Variants in GLIS3 observed in about 807,000 individuals in gnomAD.
The protein encoded by GLIS3 is zinc finger protein GLIS3.
In GLIS3, 53 loss-of-function variants were observed where a neutral mutation model predicts 78.6. The observed-to-expected ratio is 0.67, with a 90% confidence interval of 0.54 to 0.85. The LOEUF (loss-of-function observed/expected upper bound fraction) is 0.85. Ranked by LOEUF, GLIS3 falls within the 40% of genes least tolerant of loss-of-function variation. The pLI, the probability that GLIS3 is intolerant of heterozygous loss-of-function variation, is 0.00. For synonymous variants in GLIS3, 684 were observed against 509.9 expected (o/e 1.34, Z -4.60); for missense variants, 1,703 against 1,231.1 (o/e 1.38, Z -5.74).
intron 2 of GLIS3, among the ~76,000 whole-genome samples, chr9:4,236,934 T>C (rs1314187401): frequency 6.6e-6 from 1 of 152,098 alleles, no homozygotes; most frequent in Non-Finnish European, 1.5e-5. Context: ...GAAACCAGGA[T>C]GGGCTCAGCA....
chr9:3,995,440 G>A (rs1285828625), intron 4 of GLIS3, among the ~76,000 whole-genome samples: 2 of 151,902 alleles, frequency 1.3e-5, no homozygotes, highest in Non-Finnish European at 2.9e-5. Context: ...AACTACTACC[G>A]TGAATAATAG....
At chr9:3,870,238 A>G (rs1390742921) in intron 8 of GLIS3, among the ~76,000 whole-genome samples, 1 of 152,210 alleles carries the variant, frequency 6.6e-6, no homozygotes, top group Non-Finnish European at 1.5e-5. Context: ...TCAAATTGTA[A>G]TCATATCAAG....
chr9:4,316,908 G>C (rs1196511082), intron 2 of GLIS3, among the ~76,000 whole-genome samples: 1 of 152,102 alleles, frequency 6.6e-6, no homozygotes, highest in South Asian at 2.1e-4. Context: ...ACCATCATAG[G>C]AACTTAACTC....
chr9:4,418,268 CA>C, the GLIS3 span, among the ~76,000 whole-genome samples: 104,199 of 151,950 alleles, frequency 0.69, 35,924 homozygotes, highest in East Asian at 0.75. Flanking sequence ...ATATGTATTG[CA>C]AAAAAAGAGA....
At chr9:4,178,180 G>C (rs186052872) in intron 2 of GLIS3, among the ~76,000 whole-genome samples, 87 of 152,252 alleles carry the variant, frequency 5.7e-4, no homozygotes, top group Non-Finnish European at 9.8e-4. Flanking sequence ...ATGCAGGCTG[G>C]GTAGGTGGAC....
chr9:4,468,286 G>T, the GLIS3 span, among the ~76,000 whole-genome samples: 7 of 152,224 alleles, frequency 4.6e-5, no homozygotes, highest in Middle Eastern at 6.8e-3. Flanking sequence ...TACAGAGAAT[G>T]CCACAAAGAT....
At chr9:4,378,204 CTATA>C in the GLIS3 span, among the ~76,000 whole-genome samples, 1 of 151,138 alleles carries the variant, frequency 6.6e-6, no homozygotes, top group Non-Finnish European at 1.5e-5. Context: ...GTGCCAGATA[CTATA>C]TATATATATA....
intron 4 of GLIS3, among the ~76,000 whole-genome samples, chr9:3,994,869 A>G (rs536352918): frequency 6.6e-6 from 1 of 152,162 alleles, no homozygotes; most frequent in East Asian, 1.9e-4. Context: ...TGGCTGCCCT[A>G]CAGATAAAGT....
chr9:3,988,256 C>T (rs931031342), intron 4 of GLIS3, among the ~76,000 whole-genome samples: 1 of 152,130 alleles, frequency 6.6e-6, no homozygotes, highest in Non-Finnish European at 1.5e-5. Flanking sequence ...CACTAGCAGA[C>T]CCACCTTTAA....
intron 2 of GLIS3, among the ~76,000 whole-genome samples, chr9:4,322,017 A>G (rs191910213): frequency 6.6e-6 from 1 of 152,146 alleles, no homozygotes; most frequent in Non-Finnish European, 1.5e-5. Context: ...TCCTAATGCT[A>G]TCCCTCCCCC....
the GLIS3 span, among the ~76,000 whole-genome samples, chr9:4,424,464 G>A: frequency 9.9e-5 from 15 of 152,178 alleles, no homozygotes; most frequent in Non-Finnish European, 1.9e-4. Context: ...TATGACCCGA[G>A]AAAATAATCT....
Position 4,217,746 on chromosome 9 carries a change from A to G in GLIS3, c.388+68292T>C, listed in dbSNP as rs564510040. On this transcript the variant is annotated intron_variant, in intron 2 of 10. Transcript: ENST00000381971. ...CTTAATAAGTAAGCCGTGAGCAAAA[A>G]TAACTCCTCATTTTCAGGTCACTTT... 4.6e-5 allele frequency among the ~76,000 whole-genome samples: 7 copies of G among 152,312 alleles called. No individual in the cohort carries two copies. The South Asian group carries it at 1.2e-3, about 27-fold the overall frequency.
chr9:4,205,594 C>T (rs562162150), intron 2 of GLIS3, among the ~76,000 whole-genome samples: 45 of 152,244 alleles, frequency 3.0e-4, no homozygotes, highest in African/African-American at 9.6e-4. Context: ...GTGAGTAGCA[C>T]GGAGGAGCTG....
At chr9:4,444,005 G>T in the GLIS3 span, among the ~76,000 whole-genome samples, 1 of 152,134 alleles carries the variant, frequency 6.6e-6, no homozygotes, top group Admixed American at 6.5e-5. Context: ...TTAAAGCTGT[G>T]TAATGTGTTG....
chr9:4,062,923 C>T (rs931414678), intron 4 of GLIS3, among the ~76,000 whole-genome samples: 11 of 149,406 alleles, frequency 7.4e-5, no homozygotes, highest in African/African-American at 2.0e-4. Context: ...AGCGAGACTC[C>T]ATTTCAAAAA....
chr9:3,880,999 TGTG>T (rs143823511), intron 7 of GLIS3, among the ~76,000 whole-genome samples: 1,623 of 152,320 alleles, frequency 0.011, 65 homozygotes, highest in Admixed American at 0.072. Flanking sequence ...GAGCTTCTGT[TGTG>T]TGCGTCAGCT....
intron 2 of GLIS3, among the ~76,000 whole-genome samples, chr9:4,318,674 T>C (rs78592444): frequency 0.061 from 9,216 of 152,228 alleles, 947 homozygotes; most frequent in African/African-American, 0.21. Flanking sequence ...AACCTCTTTT[T>C]TACAGTGAAA....
chr9:3,941,624 C>G (rs1359063036), intron 4 of GLIS3, among the ~76,000 whole-genome samples: 1 of 152,144 alleles, frequency 6.6e-6, no homozygotes, highest in Non-Finnish European at 1.5e-5. Context: ...CCATCATTTT[C>G]TGTTTGCACA....
chr9:4,090,360 G>A (rs1190815201), intron 4 of GLIS3, among the ~76,000 whole-genome samples: 2 of 151,984 alleles, frequency 1.3e-5, no homozygotes, highest in South Asian at 2.1e-4. Context: ...ATCTAAAACT[G>A]ATTCACGCTC....
Sources: gnomAD v4.1 joint callset for allele counts (sites outside exome capture counted in the v4.1 genomes callset) on GRCh38, gnomAD v4.1.1 for gene constraint, MANE v1.5 for transcripts, NCBI Gene and HGNC (gene_info 2026-07-23, HGNC 2026-07-21) for gene names.